The following SYN3 variants were observed in gnomAD, a reference collection of about 807,000 sequenced individuals.
SYN3 encodes the protein synapsin-3.
A neutral mutation model predicts 65.8 loss-of-function variants in SYN3; 35 were observed. That is an observed-to-expected ratio of 0.53 (90% CI 0.41 to 0.70). The LOEUF (loss-of-function observed/expected upper bound fraction) is 0.70, where lower values mean the gene tolerates loss of function less well. SYN3 is among the 30% of genes least tolerant of loss of function. The pLI is 0.00. For missense variants in SYN3, 680 were observed against 749.0 expected (o/e 0.91, Z 1.08); for synonymous variants, 270 against 292.9 (o/e 0.92, Z 0.80).
At chr22:33,028,912 C>T (rs1306766829) in intron 1 of SYN3, among the ~76,000 whole-genome samples, 1 of 151,886 alleles carries the variant, frequency 6.6e-6, no homozygotes, top group Admixed American at 6.6e-5. Context: ...TGGTGGCGGG[C>T]GCCTGTAGTC....
At chr22:32,759,132 C>A (rs1389418864) in intron 6 of SYN3, among the ~76,000 whole-genome samples, 3 of 152,104 alleles carry the variant, frequency 2.0e-5, no homozygotes, top group Admixed American at 6.6e-5. Context: ...GAGACAGAAG[C>A]AAGAGGAGGT....
intron 7 of SYN3, among the ~76,000 whole-genome samples, chr22:32,548,269 G>C (rs897598615): frequency 1.3e-5 from 2 of 152,172 alleles, no homozygotes; most frequent in Non-Finnish European, 2.9e-5. Context: ...TGGCCAGGAC[G>C]GTCTTGAACT....
intron 6 of SYN3, among the ~76,000 whole-genome samples, chr22:32,632,987 A>T (rs2059766870): frequency 6.6e-6 from 1 of 152,216 alleles, no homozygotes; most frequent in Admixed American, 6.5e-5. Flanking sequence ...GTTCATTCCG[A>T]AGCCACAACC....
intron 3 of SYN3, among the ~76,000 whole-genome samples, chr22:32,939,826 ATC>A (rs1024671665): frequency 6.6e-6 from 1 of 152,162 alleles, no homozygotes; most frequent in African/African-American, 2.4e-5. Flanking sequence ...CTTCTTATAC[ATC>A]TCTTTTGGTG....
chr22:33,027,134 A>G (rs1410960678), intron 1 of SYN3, among the ~76,000 whole-genome samples: 1 of 152,168 alleles, frequency 6.6e-6, no homozygotes, highest in Non-Finnish European at 1.5e-5. Context: ...ACTTCCCTCT[A>G]TAGTGTTTCC....
At chr22:32,767,934 A>G (rs937206559) in intron 6 of SYN3, among the ~76,000 whole-genome samples, 3 of 152,212 alleles carry the variant, frequency 2.0e-5, no homozygotes, top group African/African-American at 7.2e-5. Context: ...CTTCTTCAAC[A>G]TCTTCCCCTG....
intron 6 of SYN3, among the ~76,000 whole-genome samples, chr22:32,711,636 C>G (rs1416940130): frequency 1.3e-5 from 2 of 152,190 alleles, no homozygotes; most frequent in African/African-American, 4.8e-5. Flanking sequence ...CTGCCTATGC[C>G]TCTTCCTTCT....
intron 4 of SYN3, among the ~76,000 whole-genome samples, chr22:32,898,994 C>T (rs192015944): frequency 1.1e-3 from 172 of 152,004 alleles, no homozygotes; most frequent in African/African-American, 4.0e-3. Context: ...CCCAGCTACT[C>T]AGGAGGCTGA....
Position 32,918,028 on chromosome 22 carries a change from C to T in SYN3, c.461+13362G>A, listed in dbSNP as rs189264746. ...GTGCCTGACCTTGCAGACCACATCC[C>T]CGCCTGGGGACACAAGGCTGTGGGT... is the stretch of plus-strand genomic sequence containing the variant. On this transcript the variant is annotated intron_variant, in intron 4 of 13. Coordinates refer to ENST00000358763, the MANE Select transcript of SYN3 (RefSeq NM_003490.4). Among the ~76,000 whole-genome samples the T allele has an allele frequency of 7.2e-5, 11 of 152,356 alleles. No individual in the cohort carries two copies. The East Asian group carries it at 2.1e-3, about 29-fold the overall frequency.
At chr22:32,546,533 T>G (rs1056745832) in intron 7 of SYN3, among the ~76,000 whole-genome samples, 1 of 152,052 alleles carries the variant, frequency 6.6e-6, no homozygotes, top group African/African-American at 2.4e-5. Context: ...GGAGGTGGTC[T>G]GGAGCCTCGG....
chr22:32,872,296 T>A (rs751757997), intron 4 of SYN3, among the ~76,000 whole-genome samples: 3 of 152,114 alleles, frequency 2.0e-5, no homozygotes, highest in Non-Finnish European at 4.4e-5. Context: ...TATGAACACA[T>A]GAATAAATGA....
chr22:32,869,365 T>TCA lies in SYN3; in HGVS notation c.462-241_462-240insTG, dbSNP rs1429239351. Among the ~76,000 whole-genome samples the TCA allele has an allele frequency of 8.3e-5, 12 of 143,718 alleles. No individual in the cohort carries two copies. The Admixed American group carries it at 8.4e-4, about 10-fold the overall frequency. 94.3% of individuals were successfully genotyped at this position (143,718 alleles called of 152,430 possible). ...CTCTCTCTCTCTCTCTCTCTCTCTCTCTCACAGGCTCTTTCCTAAATTCCC... is the reference window on the plus strand; with the variant it reads ...CTCTCTCTCTCTCTCTCTCTCTCTCTCACTCACAGGCTCTTTCCTAAATTCCC... On this transcript the variant is annotated intron_variant, in intron 4 of 13. Transcript: ENST00000358763.
rs1161713003 is a variant in SYN3 at position 32,584,064 on chromosome 22, C to CCAAT, written c.774+12606_774+12609dup. On this transcript the variant is annotated intron_variant, in intron 7 of 13. Transcript: ENST00000358763. ...CATGACTTTACTCTGCACTCTTTGA[C>CCAAT]CAATCAATAATCCTGGACCTTGGCC... 2.6e-5 allele frequency: 4 copies of CCAAT among 152,200 alleles called. No individual in the cohort carries two copies. The East Asian group carries it at 5.8e-4, about 22-fold the overall frequency. The allele number at this position is 152,200 out of a possible 1,614,324, so 9.4% of individuals were successfully genotyped here.
chr22:32,967,016 G>A (rs1231126818), intron 3 of SYN3, among the ~76,000 whole-genome samples: 1 of 152,206 alleles, frequency 6.6e-6, no homozygotes, highest in Admixed American at 6.5e-5. Context: ...GTGGCCTTGG[G>A]TAAGCCTCAG....
chr22:32,565,699 A>T (rs1356227632), intron 7 of SYN3, among the ~76,000 whole-genome samples: 2 of 149,660 alleles, frequency 1.3e-5, no homozygotes, highest in Non-Finnish European at 1.5e-5. Context: ...AATTTAATTT[A>T]ATTTTATTAT....
chr22:32,903,987 A>C (rs1009613335), intron 4 of SYN3, among the ~76,000 whole-genome samples: 3 of 152,224 alleles, frequency 2.0e-5, no homozygotes, highest in African/African-American at 7.2e-5. Context: ...AATTAATAAT[A>C]ATAGTAGTTC....
At chr22:32,792,844 G>GC (rs1569228406) in intron 6 of SYN3, among the ~76,000 whole-genome samples, 1 of 152,196 alleles carries the variant, frequency 6.6e-6, no homozygotes, top group African/African-American at 2.4e-5. Flanking sequence ...ATGCCCCAAT[G>GC]AACGTGTGGG....
intron 6 of SYN3, among the ~76,000 whole-genome samples, chr22:32,703,418 C>G (rs2060835888): frequency 6.6e-6 from 1 of 152,108 alleles, no homozygotes; most frequent in Non-Finnish European, 1.5e-5. Context: ...GCTGGCGGAT[C>G]ATGAGGTCAG....
chr22:32,537,285 G>A (rs764462546), intron 9 of SYN3, among the ~76,000 whole-genome samples: 17 of 151,824 alleles, frequency 1.1e-4, no homozygotes, highest in Non-Finnish European at 2.2e-4. Flanking sequence ...TCAGCCTCCC[G>A]AGTAGCTGGG....
Sources: allele counts gnomAD v4.1 joint callset (sites outside exome capture counted in the v4.1 genomes callset), GRCh38; gene constraint gnomAD v4.1.1; transcripts MANE v1.5; gene names NCBI Gene and HGNC (gene_info 2026-07-23, HGNC 2026-07-21).